Variants in TNFSF4 observed in about 807,000 individuals in gnomAD.
TNFSF4 encodes tumor necrosis factor ligand superfamily member 4.
Under a neutral mutation model 7.3 loss-of-function variants are expected in TNFSF4, and 4 were observed. The ratio of observed to expected loss-of-function variants is 0.55; its 90% CI spans 0.27 to 1.25. TNFSF4 has a LOEUF of 1.25. TNFSF4 is among the 50% of genes most tolerant of loss of function. TNFSF4 has a pLI of 0.12. For missense variants in TNFSF4, 181 were observed against 208.8 expected (o/e 0.87, Z 0.82); for synonymous variants, 76 against 83.7 (o/e 0.91, Z 0.50).
the TNFSF4 span, among the ~76,000 whole-genome samples, chr1:173,269,413 T>G: frequency 6.6e-6 from 1 of 152,172 alleles, no homozygotes; most frequent in Non-Finnish European, 1.5e-5. Context: ...TTTTCTTTCC[T>G]TATTAAGCTG....
chr1:173,250,499 A>T, the TNFSF4 span, among the ~76,000 whole-genome samples: 1 of 145,310 alleles, frequency 6.9e-6, no homozygotes, highest in Non-Finnish European at 1.5e-5. Context: ...TCGCTCTGTC[A>T]CCCGGGCTGG....
chr1:173,237,417 C>G, the TNFSF4 span, among the ~76,000 whole-genome samples: 1 of 152,062 alleles, frequency 6.6e-6, no homozygotes, highest in African/African-American at 2.4e-5. Context: ...AGCAATCAGG[C>G]AAGAGAAAGA....
At chr1:173,334,861 G>T in the TNFSF4 span, among the ~76,000 whole-genome samples, 1 of 152,234 alleles carries the variant, frequency 6.6e-6, no homozygotes, top group South Asian at 2.1e-4. Context: ...TTCTAGACTT[G>T]TAACTAGACT....
At chr1:173,240,774 T>C in the TNFSF4 span, among the ~76,000 whole-genome samples, 115 of 152,364 alleles carry the variant, frequency 7.5e-4, no homozygotes, top group African/African-American at 2.7e-3. Flanking sequence ...AGAATAGCTG[T>C]ACCTGTTCAC....
At chr1:173,412,679 C>G in the TNFSF4 span, among the ~76,000 whole-genome samples, 12 of 152,146 alleles carry the variant, frequency 7.9e-5, no homozygotes, top group Admixed American at 5.9e-4. Context: ...ACATATTATT[C>G]CATTCATATA....
chr1:173,355,819 C>T, the TNFSF4 span, among the ~76,000 whole-genome samples: 1 of 152,204 alleles, frequency 6.6e-6, no homozygotes, highest in East Asian at 1.9e-4. Flanking sequence ...GAGCAGGAGA[C>T]CTGCTACAGG....
the TNFSF4 span, among the ~76,000 whole-genome samples, chr1:173,399,241 G>A: frequency 6.6e-6 from 1 of 152,150 alleles, no homozygotes; most frequent in Non-Finnish European, 1.5e-5. Flanking sequence ...CTGCCAACCT[G>A]CACCTATACC....
the TNFSF4 span, among the ~76,000 whole-genome samples, chr1:173,441,167 C>T: frequency 1.6e-4 from 24 of 152,332 alleles, no homozygotes; most frequent in Middle Eastern, 0.01. Context: ...GGCTCCTCAT[C>T]TTCCATTCCA....
the TNFSF4 span, among the ~76,000 whole-genome samples, chr1:173,297,385 C>T: frequency 6.6e-6 from 1 of 151,930 alleles, no homozygotes; most frequent in African/African-American, 2.4e-5. Context: ...GTTTCACAGT[C>T]ATTGCTGTTT....
the TNFSF4 span, among the ~76,000 whole-genome samples, chr1:173,266,613 G>T: frequency 6.6e-6 from 1 of 152,218 alleles, no homozygotes; most frequent in Admixed American, 6.5e-5. Context: ...AATTCCTCCA[G>T]CATAGCAATG....
At chr1:173,333,676 T>C in the TNFSF4 span, among the ~76,000 whole-genome samples, 2 of 152,158 alleles carry the variant, frequency 1.3e-5, no homozygotes, top group Non-Finnish European at 2.9e-5. Context: ...AAGAGGGCTC[T>C]CAGCAGAACT....
the TNFSF4 span, among the ~76,000 whole-genome samples, chr1:173,299,993 C>A: frequency 2.0e-5 from 3 of 151,768 alleles, no homozygotes; most frequent in Non-Finnish European, 2.9e-5. Flanking sequence ...TTCTCTCAAT[C>A]TCTAAAAGGC....
chr1:173,213,796 C>T, the TNFSF4 span, among the ~76,000 whole-genome samples: 974 of 152,288 alleles, frequency 6.4e-3, 6 homozygotes, highest in African/African-American at 0.022. Context: ...CTCTTCTTTT[C>T]AGAATAAATC....
chr1:173,173,405 C>A, the TNFSF4 span, among the ~76,000 whole-genome samples: 2 of 152,158 alleles, frequency 1.3e-5, no homozygotes, highest in Admixed American at 1.3e-4. Context: ...AATGGGAGTA[C>A]AGGCACTGGA....
the TNFSF4 span, among the ~76,000 whole-genome samples, chr1:173,253,565 G>GC: frequency 6.6e-6 from 1 of 152,166 alleles, no homozygotes; most frequent in Non-Finnish European, 1.5e-5. Flanking sequence ...TCAGGACCTG[G>GC]CAACTGTTTT....
the TNFSF4 span, chr1:173,174,295 C>T: frequency 6.6e-6 from 1 of 152,232 alleles, no homozygotes; most frequent in African/African-American, 2.4e-5. Context: ...AAATTCCAAA[C>T]TTTTCCACAT....
the TNFSF4 span, among the ~76,000 whole-genome samples, chr1:173,420,050 CA>C: frequency 3.9e-5 from 6 of 152,126 alleles, no homozygotes; most frequent in African/African-American, 1.4e-4. Context: ...CTGCATGCAG[CA>C]AAATGCACGT....
At chr1:173,229,110 C>A in the TNFSF4 span, among the ~76,000 whole-genome samples, 2 of 152,126 alleles carry the variant, frequency 1.3e-5, no homozygotes, top group Non-Finnish European at 2.9e-5. Context: ...AGAAGAGCAA[C>A]CCTAAGACAC....
chr1:173,177,547 C>T, the TNFSF4 span, among the ~76,000 whole-genome samples: 1 of 152,132 alleles, frequency 6.6e-6, no homozygotes, highest in Admixed American at 6.6e-5. Context: ...ACACAATTTA[C>T]CTATATAACA....
Sources: gnomAD v4.1 joint callset for allele counts (sites outside exome capture counted in the v4.1 genomes callset) on GRCh38, gnomAD v4.1.1 for gene constraint, MANE v1.5 for transcripts, NCBI Gene and HGNC (gene_info 2026-07-23, HGNC 2026-07-21) for gene names.